PARD3: variants seen among roughly 807,000 people sequenced by gnomAD.
The protein encoded by PARD3 is par-3 family cell polarity regulator, also known as partitioning defective 3 homolog.
Under a neutral mutation model 155.4 loss-of-function variants are expected in PARD3, and 75 were observed. The ratio of observed to expected loss-of-function variants is 0.48; its 90% CI spans 0.40 to 0.58. PARD3 has a LOEUF of 0.58. Ranked by LOEUF, PARD3 falls within the 20% of genes least tolerant of loss-of-function variation. The pLI is 0.00. For missense variants in PARD3, 1,642 were observed against 1,721.7 expected (o/e 0.95, Z 0.82); for synonymous variants, 576 against 610.5 (o/e 0.94, Z 0.83).
At chr10:34,797,701 G>A (rs1842428111) in intron 1 of PARD3, among the ~76,000 whole-genome samples, 2 of 152,074 alleles carry the variant, frequency 1.3e-5, no homozygotes, top group South Asian at 4.1e-4. Context: ...ACATAACCTG[G>A]CTCAAAGGAT....
At chr10:34,540,539 A>G (rs935281177) in intron 2 of PARD3, among the ~76,000 whole-genome samples, 4 of 152,212 alleles carry the variant, frequency 2.6e-5, no homozygotes, top group African/African-American at 7.2e-5. Flanking sequence ...CGCTCAGCAG[A>G]TGGCTTGGGC....
intron 19 of PARD3, among the ~76,000 whole-genome samples, chr10:34,324,312 G>A (rs534294773): frequency 6.6e-6 from 1 of 152,238 alleles, no homozygotes; most frequent in Admixed American, 6.5e-5. Flanking sequence ...AAAATTTCCT[G>A]ATGTTAAAAA....
chr10:34,506,369 A>C (rs1189318256), intron 3 of PARD3, among the ~76,000 whole-genome samples: 1 of 152,162 alleles, frequency 6.6e-6, no homozygotes, highest in African/African-American at 2.4e-5. Context: ...CCAAATGGTA[A>C]ACATCAGGAA....
chr10:34,312,482 C>A, intron 20 of PARD3: 1 of 1,078,362 alleles, frequency 9.3e-7, no homozygotes, highest in Non-Finnish European at 1.4e-6. Flanking sequence ...ATGTATAATC[C>A]AAACTACGAC....
At chr10:34,241,355 A>C (rs1410467504) in intron 22 of PARD3, among the ~76,000 whole-genome samples, 1 of 151,648 alleles carries the variant, frequency 6.6e-6, no homozygotes, top group Non-Finnish European at 1.5e-5. Context: ...GAGTGCAAGG[A>C]GGCCAGCGTG....
At chr10:34,369,167 G>T (rs987215689) in intron 12 of PARD3, among the ~76,000 whole-genome samples, 1 of 151,986 alleles carries the variant, frequency 6.6e-6, no homozygotes, top group Non-Finnish European at 1.5e-5. Context: ...CCTTTCAATA[G>T]GATAATATCA....
intron 2 of PARD3, among the ~76,000 whole-genome samples, chr10:34,683,416 A>T (rs565308988): frequency 2.6e-5 from 4 of 151,708 alleles, no homozygotes; most frequent in African/African-American, 9.7e-5. Flanking sequence ...AAAAACTCGT[A>T]AGATAGTTAC....
chr10:34,621,636 C>T (rs1391391367), intron 2 of PARD3, among the ~76,000 whole-genome samples: 2 of 152,196 alleles, frequency 1.3e-5, no homozygotes, highest in African/African-American at 4.8e-5. Context: ...GCTACCTTGA[C>T]ACCTTTTAAA....
chr10:34,300,566 G>A (rs527822850), intron 20 of PARD3, among the ~76,000 whole-genome samples: 2 of 152,012 alleles, frequency 1.3e-5, no homozygotes, highest in East Asian at 3.9e-4. Flanking sequence ...GGAGGCTGCA[G>A]TGAGCCATGC....
chr10:34,554,759 G>GA (rs1039099732), intron 2 of PARD3, among the ~76,000 whole-genome samples: 9 of 151,568 alleles, frequency 5.9e-5, no homozygotes, highest in Non-Finnish European at 1.0e-4. Context: ...TTTAAAATTG[G>GA]AAAAAAAATT....
At chr10:34,702,121 C>T (rs946292828) in intron 1 of PARD3, among the ~76,000 whole-genome samples, 2 of 151,688 alleles carry the variant, frequency 1.3e-5, no homozygotes, top group Non-Finnish European at 2.9e-5. Context: ...GCTGAGATTG[C>T]GCCACTGCAC....
rs149726626 is a variant in PARD3 at position 34,417,355 on chromosome 10, C to G, written c.715-15438G>C. ...AGTTTTAAAAAGCCACAGAAAAGAA[C>G]ATGGATTACACTGAATTTCCTATGA... On this transcript the variant is annotated intron_variant, in intron 5 of 24. Coordinates refer to ENST00000374788, the MANE Select transcript of PARD3 (RefSeq NM_001184785.2). 6.8e-4 allele frequency among the ~76,000 whole-genome samples: 104 copies of G among 152,248 alleles called. 1 individual carries two copies. The highest frequency in any genetic ancestry group is 6.4e-3 in the South Asian group (31 of 4,822).
At chr10:34,378,797 T>C (rs563346333) in intron 9 of PARD3, among the ~76,000 whole-genome samples, 132 of 152,190 alleles carry the variant, frequency 8.7e-4, no homozygotes, top group Non-Finnish European at 1.7e-3. Context: ...GGGGATCATA[T>C]TATGCTTAAA....
chr10:34,466,343 A>G (rs1341304007), intron 4 of PARD3, among the ~76,000 whole-genome samples: 1 of 152,170 alleles, frequency 6.6e-6, no homozygotes. Context: ...TATGACCACT[A>G]TTTCAACAAG....
chr10:34,455,617 T>C (rs2077292528), intron 4 of PARD3, among the ~76,000 whole-genome samples: 1 of 151,784 alleles, frequency 6.6e-6, no homozygotes, highest in Admixed American at 6.6e-5. Flanking sequence ...AAGGGTGAAA[T>C]AAAATGACTC....
At chr10:34,278,289 C>A (rs1398033509) in intron 21 of PARD3, among the ~76,000 whole-genome samples, 2 of 152,112 alleles carry the variant, frequency 1.3e-5, no homozygotes, top group African/African-American at 2.4e-5. Context: ...CTCAAGTGAT[C>A]CTACCACCTC....
intron 7 of PARD3, among the ~76,000 whole-genome samples, chr10:34,386,782 A>T (rs1169499614): frequency 6.6e-6 from 1 of 150,974 alleles, no homozygotes; most frequent in Non-Finnish European, 1.5e-5. Flanking sequence ...AGATCGCGCC[A>T]CTGCACTCCA....
intron 19 of PARD3, among the ~76,000 whole-genome samples, chr10:34,329,262 A>G (rs144354231): frequency 1.0e-3 from 154 of 152,304 alleles, no homozygotes; most frequent in Middle Eastern, 3.4e-3. Context: ...GTGAAATATT[A>G]TAAGAGCAAA....
chr10:34,492,633 TC>T (rs1455139646), intron 3 of PARD3, among the ~76,000 whole-genome samples: 1 of 152,210 alleles, frequency 6.6e-6, no homozygotes, highest in Non-Finnish European at 1.5e-5. Context: ...TATTAAAATG[TC>T]TAAATTTTAC....
Sources: allele counts gnomAD v4.1 joint callset (sites outside exome capture counted in the v4.1 genomes callset), GRCh38; gene constraint gnomAD v4.1.1; transcripts MANE v1.5; gene names NCBI Gene and HGNC (gene_info 2026-07-23, HGNC 2026-07-21).